Variants in ERBB4 observed in about 807,000 individuals in gnomAD.
The protein encoded by ERBB4 is receptor tyrosine-protein kinase erbB-4.
Under a neutral mutation model 158.0 loss-of-function variants are expected in ERBB4, and 42 were observed. That is an observed-to-expected ratio of 0.27 (90% CI 0.21 to 0.34). ERBB4 has a LOEUF of 0.34. Ranked by LOEUF, ERBB4 falls within the 10% of genes least tolerant of loss-of-function variation. ERBB4 has a pLI of 1.00. For synonymous variants in ERBB4, 583 were observed against 558.7 expected (o/e 1.04, Z -0.61); for missense variants, 1,333 against 1,624.1 (o/e 0.82, Z 3.08).
intron 4 of ERBB4, among the ~76,000 whole-genome samples, chr2:211,756,412 T>A (rs771123201): frequency 2.6e-5 from 4 of 152,024 alleles, no homozygotes; most frequent in Non-Finnish European, 4.4e-5. Flanking sequence ...TAATGAGTAG[T>A]TTAGGGTTTT....
chr2:211,847,300 T>C (rs1021774278), intron 3 of ERBB4, among the ~76,000 whole-genome samples: 3 of 152,152 alleles, frequency 2.0e-5, no homozygotes, highest in African/African-American at 7.2e-5. Flanking sequence ...ATTATCATAG[T>C]CCTATATTCA....
rs947254666 is a variant in ERBB4 at position 211,684,133 on chromosome 2, G to A, written c.1490-4949C>T. ...CTATAAACTTTATAATACTAATAAG[G>A]GAAGATGGGAGGGGGAGAAATGAAA... On this transcript the variant is annotated intron_variant, in intron 12 of 27. Transcript: ENST00000342788. 3.3e-5 allele frequency among the ~76,000 whole-genome samples: 5 copies of A among 152,082 alleles called. No individual in the cohort carries two copies. In the South Asian group the frequency reaches 8.3e-4, roughly 25 times the overall value.
intron 1 of ERBB4, among the ~76,000 whole-genome samples, chr2:212,384,180 G>T (rs1302033204): frequency 6.6e-6 from 1 of 151,606 alleles, no homozygotes; most frequent in African/African-American, 2.4e-5. Flanking sequence ...TAAAAAGTAA[G>T]TGACAGCAAT....
chr2:212,284,958 C>T (rs2085905824), intron 1 of ERBB4, among the ~76,000 whole-genome samples: 1 of 151,980 alleles, frequency 6.6e-6, no homozygotes, highest in Non-Finnish European at 1.5e-5. Context: ...GACAGGCAGC[C>T]CTTCAAATGG....
chr2:211,763,354 A>G (rs2075464392), intron 4 of ERBB4, among the ~76,000 whole-genome samples: 1 of 152,186 alleles, frequency 6.6e-6, no homozygotes, highest in Admixed American at 6.6e-5. Flanking sequence ...ATAAATTCAT[A>G]AGAAATGAGT....
chr2:211,877,304 C>T (rs36103884), intron 3 of ERBB4, among the ~76,000 whole-genome samples: 18,613 of 152,200 alleles, frequency 0.12, 1,513 homozygotes, highest in Non-Finnish European at 0.17. Flanking sequence ...GGGGTCATAA[C>T]ATTCAGGAAG....
chr2:212,377,858 CT>C (rs2090376448), intron 1 of ERBB4, among the ~76,000 whole-genome samples: 1 of 151,920 alleles, frequency 6.6e-6, no homozygotes, highest in African/African-American at 2.4e-5. Context: ...ATTTGTCTCT[CT>C]TGTAATACTA....
In ERBB4 at chr2:211,719,373, T is replaced by G. The variant is rs973959427; in HGVS notation, c.883+3020A>C. Among the ~76,000 whole-genome samples, 4 of 152,176 alleles carry G rather than the reference T, an allele frequency of 2.6e-5. No homozygotes were observed. The South Asian group carries it at 6.2e-4, about 24-fold the overall frequency. ...TTTTTCTCACCTGACATAGGGAATC[T>G]TTCCAAGTAACCACCTTTTTCCCGA... is the stretch of plus-strand genomic sequence containing the variant. On this transcript the variant is annotated intron_variant, in intron 7 of 27. Transcript: ENST00000342788.
intron 3 of ERBB4, among the ~76,000 whole-genome samples, chr2:211,931,547 G>A (rs1354026928): frequency 6.6e-6 from 1 of 151,748 alleles, no homozygotes; most frequent in African/African-American, 2.4e-5. Flanking sequence ...AAGAAAATGT[G>A]ACTCACATTT....
intron 1 of ERBB4, among the ~76,000 whole-genome samples, chr2:212,147,227 A>C (rs189287254): frequency 5.6e-5 from 7 of 125,094 alleles, no homozygotes; most frequent in Non-Finnish European, 7.8e-5. Flanking sequence ...GCTGGTCTCG[A>C]ACTCCTGTGC....
intron 3 of ERBB4, among the ~76,000 whole-genome samples, chr2:211,893,459 A>C (rs1269147923): frequency 2.1e-5 from 3 of 140,382 alleles, no homozygotes; most frequent in Non-Finnish European, 4.6e-5. Context: ...TAAAAACCCT[A>C]GAAGAAAACC....
intron 3 of ERBB4, among the ~76,000 whole-genome samples, chr2:211,864,070 C>T (rs2078140862): frequency 6.6e-6 from 1 of 152,184 alleles, no homozygotes; most frequent in African/African-American, 2.4e-5. Flanking sequence ...TGTGTTCTCA[C>T]AAGCCCCACT....
intron 1 of ERBB4, among the ~76,000 whole-genome samples, chr2:212,338,782 A>G (rs182045610): frequency 1.3e-5 from 2 of 152,268 alleles, no homozygotes; most frequent in East Asian, 3.9e-4. Context: ...ATTTTAATAG[A>G]ATTAAAGTAC....
At chr2:212,491,603 A>C (rs1690282697) in intron 1 of ERBB4, among the ~76,000 whole-genome samples, 1 of 151,628 alleles carries the variant, frequency 6.6e-6, no homozygotes, top group African/African-American at 2.4e-5. Flanking sequence ...ATTTCTCTAC[A>C]GAGTATACGG....
intron 1 of ERBB4, among the ~76,000 whole-genome samples, chr2:212,529,489 G>T (rs183103924): frequency 1.3e-5 from 2 of 152,216 alleles, no homozygotes; most frequent in East Asian, 3.9e-4. Context: ...GAAATTTGCA[G>T]GGTAAACATG....
intron 5 of ERBB4, among the ~76,000 whole-genome samples, chr2:211,744,332 G>T (rs147124630): frequency 0.011 from 1,738 of 152,194 alleles, 27 homozygotes; most frequent in African/African-American, 0.04. Context: ...AAATATAAAA[G>T]ATTTTACTGA....
At chr2:211,879,394 T>C (rs1257538703) in intron 3 of ERBB4, among the ~76,000 whole-genome samples, 1 of 152,130 alleles carries the variant, frequency 6.6e-6, no homozygotes, top group Non-Finnish European at 1.5e-5. Context: ...CAATGAACAT[T>C]ACCAAATAAA....
At chr2:212,324,196 T>C (rs2087709263) in intron 1 of ERBB4, among the ~76,000 whole-genome samples, 1 of 150,514 alleles carries the variant, frequency 6.6e-6, no homozygotes, top group Non-Finnish European at 1.5e-5. Context: ...AAGCCAAAAG[T>C]GTTAATGGCA....
At chr2:211,451,620 G>T (rs926206483) in intron 20 of ERBB4, among the ~76,000 whole-genome samples, 15 of 152,116 alleles carry the variant, frequency 9.9e-5, no homozygotes, top group Non-Finnish European at 1.9e-4. Flanking sequence ...ACAGCAAGGG[G>T]AGGAAAGGGG....
Sources: gnomAD v4.1 joint callset for allele counts (sites outside exome capture counted in the v4.1 genomes callset) on GRCh38, gnomAD v4.1.1 for gene constraint, MANE v1.5 for transcripts, NCBI Gene and HGNC (gene_info 2026-07-23, HGNC 2026-07-21) for gene names.